The following MYRFL variants were observed in gnomAD, a reference collection of about 807,000 sequenced individuals.
MYRFL encodes the protein myelin regulatory factor-like protein.
Under a neutral mutation model 109.4 loss-of-function variants are expected in MYRFL, and 88 were observed. The observed-to-expected ratio is 0.80, with a 90% CI of 0.68 to 0.96. The LOEUF is 0.96. Among genes scored for constraint, MYRFL ranks in the 40% least tolerant of loss-of-function variants. The pLI is 0.00. For missense variants in MYRFL, 957 were observed against 954.9 expected (o/e 1.00, Z -0.03); for synonymous variants, 324 against 320.9 (o/e 1.01, Z -0.10).
intron 19 of MYRFL, among the ~76,000 whole-genome samples, chr12:69,951,620 G>A (rs1955978075): frequency 6.6e-6 from 1 of 151,934 alleles, no homozygotes; most frequent in African/African-American, 2.4e-5. Flanking sequence ...TAGAGACAGG[G>A]TTTCACCATG....
chr12:69,829,714 G>A (rs182898271), intron 1 of MYRFL, among the ~76,000 whole-genome samples: 39 of 152,264 alleles, frequency 2.6e-4, no homozygotes, highest in East Asian at 1.5e-3. Flanking sequence ...ATAGAACAGA[G>A]ATGTTGATAG....
At chr12:69,885,026 G>C (rs975738891) in intron 5 of MYRFL, among the ~76,000 whole-genome samples, 1 of 151,830 alleles carries the variant, frequency 6.6e-6, no homozygotes, top group Non-Finnish European at 1.5e-5. Flanking sequence ...TTGTAGGAGA[G>C]AGGAAGAAAA....
At chr12:69,936,676 G>A in intron 19 of MYRFL, 44 bp downstream of exon 19, 1 of 1,427,340 alleles carries the variant, frequency 7.0e-7, no homozygotes. Context: ...TTGAACTTGA[G>A]GTTGTTTTTC....
At chr12:69,839,275 T>C (rs563759524) in intron 1 of MYRFL, among the ~76,000 whole-genome samples, 2 of 152,214 alleles carry the variant, frequency 1.3e-5, no homozygotes, top group Non-Finnish European at 2.9e-5. Context: ...TTTAAACTAG[T>C]TATCATCATC....
chr12:69,865,817 C>T (rs1884986535), intron 2 of MYRFL, among the ~76,000 whole-genome samples: 2 of 152,180 alleles, frequency 1.3e-5, no homozygotes, highest in South Asian at 4.1e-4. Flanking sequence ...AGGCTTCACT[C>T]TCTACCTTTG....
intron 1 of MYRFL, among the ~76,000 whole-genome samples, chr12:69,832,145 C>T (rs1486401940): frequency 6.6e-6 from 1 of 152,098 alleles, no homozygotes; most frequent in East Asian, 1.9e-4. Flanking sequence ...AGATATAAAA[C>T]TGGTCTAAGT....
At chr12:69,920,576 ACTCT>A (rs201682429) in intron 13 of MYRFL, among the ~76,000 whole-genome samples, 1 of 151,908 alleles carries the variant, frequency 6.6e-6, no homozygotes, top group Non-Finnish European at 1.5e-5. Flanking sequence ...AGGTGAGCCC[ACTCT>A]CTAGGTAAAT....
intron 19 of MYRFL, among the ~76,000 whole-genome samples, chr12:69,939,008 G>A (rs892553199): frequency 4.6e-5 from 7 of 152,148 alleles, no homozygotes; most frequent in African/African-American, 1.2e-4. Context: ...GGCGCACCAC[G>A]AGATTATATC....
intron 11 of MYRFL, among the ~76,000 whole-genome samples, chr12:69,908,792 C>A (rs1010482405): frequency 6.6e-6 from 1 of 152,106 alleles, no homozygotes; most frequent in African/African-American, 2.4e-5. Flanking sequence ...GGTACAAGTG[C>A]AGGTTTGTTA....
intron 5 of MYRFL, among the ~76,000 whole-genome samples, chr12:69,880,951 G>GTTTTTTTTTTTTTTTTTTTTTTTTTTT (rs71094746): frequency 6.2e-5 from 7 of 112,626 alleles, no homozygotes; most frequent in South Asian, 3.0e-4. Context: ...CAGCCTTCCT[G>GTTTTTTTTTTTTTTTTTTTTTTTTTTT]TTTTTTTTTT....
chr12:69,924,832 A>C (rs1955023849), intron 13 of MYRFL, among the ~76,000 whole-genome samples: 1 of 152,190 alleles, frequency 6.6e-6, no homozygotes, highest in South Asian at 2.1e-4. Context: ...TAGGCCTCAG[A>C]AATCAAGCTT....
At chr12:69,834,862 T>C (rs1262184669) in intron 1 of MYRFL, among the ~76,000 whole-genome samples, 1 of 152,232 alleles carries the variant, frequency 6.6e-6, no homozygotes, top group Non-Finnish European at 1.5e-5. Flanking sequence ...AGCTTTTCCA[T>C]GTTGGTCTTG....
At chr12:69,874,787 C>G (rs990065806) in intron 2 of MYRFL, among the ~76,000 whole-genome samples, 1 of 152,036 alleles carries the variant, frequency 6.6e-6, no homozygotes, top group African/African-American at 2.4e-5. Flanking sequence ...CTTCTGGCCT[C>G]TGGAGATTTT....
chr12:69,844,206 A>T (rs1021321691), intron 1 of MYRFL, among the ~76,000 whole-genome samples: 6 of 152,146 alleles, frequency 3.9e-5, no homozygotes, highest in African/African-American at 1.4e-4. Context: ...TACTGCAGGG[A>T]TCATCTCTCC....
At chr12:69,834,533 C>A (rs962480826) in intron 1 of MYRFL, among the ~76,000 whole-genome samples, 2 of 152,134 alleles carry the variant, frequency 1.3e-5, no homozygotes, top group East Asian at 3.8e-4. Context: ...AACACCTACC[C>A]TCTTACGGTT....
intron 8 of MYRFL, among the ~76,000 whole-genome samples, chr12:69,895,047 G>A (rs998333260): frequency 3.3e-5 from 5 of 152,326 alleles, no homozygotes; most frequent in African/African-American, 9.6e-5. Flanking sequence ...CAAATGAAAG[G>A]TTTTCTTTCC....
At position 69,936,094 on chromosome 12, in the gene MYRFL, T is replaced by G. The variant is rs1326021935; in HGVS notation, c.1917-19T>G. On this transcript the variant is annotated intron_variant, in intron 16 of 24. Coordinates refer to ENST00000552032, the MANE Select transcript of MYRFL (RefSeq NM_182530.3). ...CCACATAATGTTTTTTTTTTTTTTT[T>G]TTTTTTTTTTTTTGACAGTGCTTTG... The G allele has an allele frequency of 3.3e-5, 47 of 1,411,234 alleles. No individual in the cohort carries two copies. In the Admixed American group the frequency reaches 4.4e-4, roughly 13 times the overall value. The allele number at this position is 1,411,234 out of a possible 1,614,324, so 87.4% of individuals were successfully genotyped here.
chr12:69,857,084 G>C (rs1884338742), intron 2 of MYRFL, among the ~76,000 whole-genome samples: 1 of 151,552 alleles, frequency 6.6e-6, no homozygotes, highest in African/African-American at 2.4e-5. Flanking sequence ...TAGTTTCTTT[G>C]TATGTGGATG....
In MYRFL at chr12:69,830,501, C is replaced by T. The variant is rs1041064649; in HGVS notation, c.46+4938C>T. On this transcript the variant is annotated intron_variant, in intron 1 of 24. Coordinates refer to ENST00000552032, the MANE Select transcript of MYRFL (RefSeq NM_182530.3). Reference sequence around the variant, plus strand: ...GAGATATCTATATATATATATATCTCTGTGGGATAATTTCAGAGATGCAGG... The same window carrying T: ...GAGATATCTATATATATATATATCTTTGTGGGATAATTTCAGAGATGCAGG... Among the ~76,000 whole-genome samples, 5 of 150,776 alleles carry T rather than the reference C, an allele frequency of 3.3e-5. 1 individual carries two copies. Among genetic ancestry groups the T allele is most frequent in the African/African-American group, 1.2e-4 (5 of 41,096 alleles).
Sources: allele counts gnomAD v4.1 joint callset (sites outside exome capture counted in the v4.1 genomes callset), GRCh38; gene constraint gnomAD v4.1.1; transcripts MANE v1.5; gene names NCBI Gene and HGNC (gene_info 2026-07-23, HGNC 2026-07-21).